Variants in ADAM12 observed in about 807,000 individuals in gnomAD.
The protein encoded by ADAM12 is ADAM metallopeptidase domain 12.
In ADAM12, 70 loss-of-function variants were observed where a neutral mutation model predicts 106.4. The ratio of observed to expected loss-of-function variants is 0.66; its 90% CI spans 0.54 to 0.80. ADAM12 has a LOEUF of 0.80. Ranked by LOEUF, ADAM12 falls within the 30% of genes least tolerant of loss-of-function variation. The pLI, the probability that ADAM12 is intolerant of heterozygous loss-of-function variation, is 0.00. For synonymous variants in ADAM12, 420 were observed against 433.5 expected, an observed-to-expected ratio of 0.97 and a Z score of 0.39; for missense variants, 1,010 against 1,171.9, an observed-to-expected ratio of 0.86 and a Z score of 2.02.
At chr10:126,058,153 C>G (rs1315480822) in intron 14 of ADAM12, among the ~76,000 whole-genome samples, 3 of 152,206 alleles carry the variant, frequency 2.0e-5, no homozygotes, top group Non-Finnish European at 4.4e-5. Context: ...CCTCCTTTCC[C>G]TCCTCCCAAG....
Position 126,265,789 on chromosome 10 carries a change from T to C in ADAM12, c.260+13126A>G, listed in dbSNP as rs183316433. ...TAATTGCAAGAATTAAAAGGAAGGA[T>C]AGGGAACCTATATATTAAAAGACAC... On this transcript the variant is annotated intron_variant, in intron 3 of 22. Coordinates refer to ENST00000448723, the MANE Select transcript of ADAM12 (RefSeq NM_001288973.2). Among the ~76,000 whole-genome samples the C allele has an allele frequency of 3.3e-5, 5 of 152,304 alleles. No homozygotes were observed. The East Asian group carries it at 7.7e-4, about 24-fold the overall frequency.
intron 1 of ADAM12, among the ~76,000 whole-genome samples, chr10:126,350,083 C>T (rs370622954): frequency 6.6e-6 from 1 of 152,096 alleles, no homozygotes; most frequent in African/African-American, 2.4e-5. Context: ...TGTCACTGGC[C>T]GGCCAATGAT....
At chr10:126,248,672 TG>T (rs1958679017) in intron 3 of ADAM12, among the ~76,000 whole-genome samples, 2 of 56,920 alleles carry the variant, frequency 3.5e-5, no homozygotes, top group African/African-American at 1.9e-4. Context: ...TATGTATGTA[TG>T]TATGTATGTA....
Position 126,357,536 on chromosome 10 carries a change from A to G in ADAM12, c.89-27027T>C, listed in dbSNP as rs186975936. On this transcript the variant is annotated intron_variant, in intron 1 of 22. Transcript: ENST00000448723. ...ATTAGTCCATTCTCATGCTGCTAAT[A>G]AAGACATACCCAAGACTGGGTAACT... is the stretch of plus-strand genomic sequence containing the variant. Among the ~76,000 whole-genome samples the G allele has an allele frequency of 1.2e-3, 180 of 152,320 alleles. 1 individual carries two copies. Among genetic ancestry groups the G allele is most frequent in the Middle Eastern group, 6.8e-3 (2 of 292 alleles).
At chr10:126,382,400 G>T (rs1049394678) in intron 1 of ADAM12, among the ~76,000 whole-genome samples, 4 of 152,162 alleles carry the variant, frequency 2.6e-5, no homozygotes, top group African/African-American at 9.7e-5. Flanking sequence ...AGTGCTAAAC[G>T]GAAAACAAAA....
intron 7 of ADAM12, 81 bp from the exon 8 acceptor site, chr10:126,108,745 G>A: frequency 1.5e-6 from 2 of 1,340,586 alleles, no homozygotes; most frequent in Non-Finnish European, 2.1e-6. Context: ...GAAATGTGAA[G>A]TCTTGGGATT....
At chr10:126,387,889 TGG>T (rs548403267) in intron 1 of ADAM12, among the ~76,000 whole-genome samples, 167 bp downstream of exon 1, 57 of 83,634 alleles carry the variant, frequency 6.8e-4, no homozygotes, top group South Asian at 5.9e-3. Context: ...AATTGGCACC[TGG>T]GGGGGGGGGG....
intron 3 of ADAM12, among the ~76,000 whole-genome samples, chr10:126,203,965 C>A (rs894982793): frequency 6.6e-6 from 1 of 151,468 alleles, no homozygotes; most frequent in Non-Finnish European, 1.5e-5. Flanking sequence ...TGTGTGTGAA[C>A]CAAACTAAGT....
At chr10:126,304,314 AAGGAAGGG>A (rs2133804692) in intron 2 of ADAM12, among the ~76,000 whole-genome samples, 1 of 139,004 alleles carries the variant, frequency 7.2e-6, no homozygotes, top group South Asian at 2.7e-4. Context: ...GGAAGGAAAG[AAGGAAGGG>A]AGGGAGGGAG....
chr10:126,331,054 T>C (rs933543959), intron 1 of ADAM12, among the ~76,000 whole-genome samples: 11 of 152,200 alleles, frequency 7.2e-5, no homozygotes, highest in African/African-American at 2.4e-4. Context: ...TGGTTTATGT[T>C]TTAAAAAAAT....
At chr10:126,283,113 C>A (rs923926319) in intron 2 of ADAM12, among the ~76,000 whole-genome samples, 1 of 152,036 alleles carries the variant, frequency 6.6e-6, no homozygotes, top group Non-Finnish European at 1.5e-5. Flanking sequence ...CCCTCACGTG[C>A]ACAGTTCACA....
intron 18 of ADAM12, chr10:126,041,840 G>T: frequency 8.0e-7 from 1 of 1,242,526 alleles, no homozygotes; most frequent in South Asian, 2.5e-5. Context: ...CTTGCTGCAG[G>T]GCTGGGGCCT....
chr10:126,323,754 G>A (rs1405054223), intron 2 of ADAM12, among the ~76,000 whole-genome samples: 1 of 152,132 alleles, frequency 6.6e-6, no homozygotes, highest in Non-Finnish European at 1.5e-5. Context: ...GCATGGTTGG[G>A]GTCTAAGGCC....
At chr10:126,338,363 C>A (rs1854789681) in intron 1 of ADAM12, among the ~76,000 whole-genome samples, 1 of 148,838 alleles carries the variant, frequency 6.7e-6, no homozygotes, top group Non-Finnish European at 1.5e-5. Flanking sequence ...CGCCATTCTC[C>A]TGCCTCAGCC....
At chr10:126,159,412 A>C (rs1380441) in intron 3 of ADAM12, among the ~76,000 whole-genome samples, 1 of 151,572 alleles carries the variant, frequency 6.6e-6, no homozygotes, top group Non-Finnish European at 1.5e-5. Context: ...TAATTATTAC[A>C]TATATTATTT....
chr10:126,291,667 G>A (rs182981367), intron 2 of ADAM12, among the ~76,000 whole-genome samples: 1 of 152,294 alleles, frequency 6.6e-6, no homozygotes, highest in African/African-American at 2.4e-5. Flanking sequence ...GGACAGAGGT[G>A]CACGCTGAGG....
chr10:126,079,731 TTC>T (rs1486259565), intron 11 of ADAM12, among the ~76,000 whole-genome samples: 2 of 152,214 alleles, frequency 1.3e-5, no homozygotes, highest in East Asian at 3.8e-4. Flanking sequence ...TAAAAAATAA[TTC>T]TGTTTTGCTC....
chr10:126,016,373 T>G lies in ADAM12; in HGVS notation c.*906A>C, dbSNP rs1478207349. 1 of 152,124 alleles carries G rather than the reference T, an allele frequency of 6.6e-6. No homozygotes were observed. The highest frequency in any genetic ancestry group is 1.5e-5 in the Non-Finnish European group (1 of 68,034). The allele number at this position is 152,124 out of a possible 1,614,324, so 9.4% of individuals were successfully genotyped here. The stretch of plus-strand genomic sequence containing the variant: ...ATCATTGTATTACAGTTTGTGGTGA[T>G]TTGCTCAGCTCCAAGCAGTATAGGG... On this transcript the variant is annotated 3_prime_UTR_variant, in exon 23 of 23. Coordinates refer to ENST00000448723, the MANE Select transcript of ADAM12 (RefSeq NM_001288973.2).
intron 3 of ADAM12, among the ~76,000 whole-genome samples, chr10:126,231,496 C>A (rs185189297): frequency 2.9e-4 from 44 of 152,248 alleles, no homozygotes; most frequent in Admixed American, 1.0e-3. Flanking sequence ...CTAGCTACTG[C>A]GCCATCTATA....
Sources: allele counts gnomAD v4.1 joint callset (sites outside exome capture counted in the v4.1 genomes callset), GRCh38; gene constraint gnomAD v4.1.1; transcripts MANE v1.5; gene names NCBI Gene and HGNC (gene_info 2026-07-23, HGNC 2026-07-21).